MAST1: variants seen among roughly 807,000 people sequenced by gnomAD.
MAST1 encodes the protein microtubule associated serine/threonine kinase 1, also known as microtubule-associated serine/threonine-protein kinase 1.
In MAST1, 40 loss-of-function variants were observed where a neutral mutation model predicts 124.6. That is an observed-to-expected ratio of 0.32 (90% CI 0.25 to 0.42). The LOEUF (loss-of-function observed/expected upper bound fraction) is 0.42. Ranked by LOEUF, MAST1 falls within the 10% of genes least tolerant of loss-of-function variation. MAST1 has a pLI of 1.00. For missense variants in MAST1, 1,558 were observed against 2,181.9 expected (o/e 0.71, Z 5.70); for synonymous variants, 938 against 939.4 (o/e 1.00, Z 0.03).
Position 12,843,498 on chromosome 19 carries a change from G to T in MAST1, c.249-31G>T. The T allele has an allele frequency of 6.2e-7, 1 of 1,600,504 alleles. No individual in the cohort carries two copies. Among genetic ancestry groups the T allele is most frequent in the Non-Finnish European group, 8.5e-7 (1 of 1,169,778 alleles). ...GGAGTTGGGGGACCGCTGGGGCCTT[G>T]TGGCCTCTGAGCACCTTGGCTGGGT... is the stretch of plus-strand genomic sequence containing the variant. On this transcript the variant is annotated intron_variant, in intron 3 of 25. Transcript: ENST00000251472. The surrounding 1 kb of genome is among the most constrained non-coding windows in gnomAD (Gnocchi z 4.9).
At chr19:12,854,123 C>CA (rs1969993991) in intron 10 of MAST1, among the ~76,000 whole-genome samples, 1 of 126,682 alleles carries the variant, frequency 7.9e-6, no homozygotes, top group Non-Finnish European at 1.6e-5. Flanking sequence ...CTGGATATTT[C>CA]TTTTTTTTTT....
intron 9 of MAST1, 33 bp downstream of exon 9, chr19:12,852,280 T>C: frequency 1.9e-6 from 3 of 1,613,660 alleles, no homozygotes; most frequent in Admixed American, 1.7e-5. Context: ...GGACTGGGGG[T>C]GAGCAGGCCC....
chr19:12,858,369 G>C lies in MAST1; in HGVS notation c.1085G>C (p.Ser362Thr), dbSNP rs150597445. ...PEQDDLSEGR[S>T]SKAKKPPGEN... Reference sequence around the variant, plus strand: ...TCCATCTTTTTCCTGAAGGGCCGCAGCAGCAAGGCCAAGAAACCGCCGGGG... The same window carrying C: ...TCCATCTTTTTCCTGAAGGGCCGCACCAGCAAGGCCAAGAAACCGCCGGGG... The change falls in exon 11 of 26, where the codon AGC (serine) becomes ACC (threonine). Residue 362 changes from serine (S) to threonine (T), a missense_variant. Ser to Thr is a moderately conservative substitution (Grantham distance 58). Around this residue, in one of 10 missense-constraint regions of MAST1, gnomAD observed 136 missense variants for 160.9 expected, o/e 0.85. Transcript: ENST00000251472. 3 of 1,613,068 alleles carry C rather than the reference G, an allele frequency of 1.9e-6. No individual in the cohort carries two copies. The African/African-American group carries it at 4.0e-5, about 22-fold the overall frequency.
chr19:12,867,645 C>G lies in MAST1; in HGVS notation c.2311C>G (p.Pro771Ala), dbSNP rs375872899. Reference sequence around the variant, plus strand: ...TGAGAAGACCTGGAGAGGGGGCTCTCCGGAGATGTGAGCAGGGGAATGGCG... The same window carrying G: ...TGAGAAGACCTGGAGAGGGGGCTCTGCGGAGATGTGAGCAGGGGAATGGCG... Reference protein sequence around the residue: ...LREKTWRGGSPEIKRFSASEA... With the variant: ...LREKTWRGGSAEIKRFSASEA... Residue 771 changes from proline to alanine, a missense_variant, in exon 19 of 26, where the codon CCG becomes GCG. Transcript: ENST00000251472. 1.3e-6 allele frequency: 2 copies of G among 1,595,640 alleles called. No individual in the cohort carries two copies. The highest frequency in any genetic ancestry group is 1.7e-6 in the Non-Finnish European group (2 of 1,171,512).
At chr19:12,844,904 A>G (rs1969873625) in intron 4 of MAST1, among the ~76,000 whole-genome samples, 1 of 152,154 alleles carries the variant, frequency 6.6e-6, no homozygotes, top group Admixed American at 6.6e-5. Context: ...ACCATTTGAA[A>G]TTGTGATTAT....
intron 10 of MAST1, among the ~76,000 whole-genome samples, chr19:12,854,999 G>A (rs185872588): frequency 3.3e-5 from 5 of 152,222 alleles, no homozygotes; most frequent in Non-Finnish European, 4.4e-5. Context: ...GAGAGACTGC[G>A]GCGGGTGGAT....
In MAST1 at chr19:12,847,690, G is replaced by A. The variant is rs1403478050; in HGVS notation, c.564+3G>A. On this transcript the variant is annotated splice_donor_region_variant and intron_variant, in intron 6 of 25. Transcript: ENST00000251472. The surrounding 1 kb of genome is among the most constrained non-coding windows in gnomAD (Gnocchi z 5.5). ...TCTACAAGGAGAGGTTCCCGAAGGT[G>A]AGGTGGGACCCGAGGCGGTCACGGG... The A allele has an allele frequency of 1.2e-6, 2 of 1,613,698 alleles. No individual in the cohort carries two copies. Among genetic ancestry groups the A allele is most frequent in the East Asian group, 4.5e-5 (2 of 44,872 alleles).
intron 1 of MAST1, 104 bp from the exon 2 acceptor site, chr19:12,840,338 CATGG>C: frequency 1.4e-6 from 1 of 734,634 alleles, no homozygotes; most frequent in Non-Finnish European, 2.4e-6. Flanking sequence ...TCCAAACACA[CATGG>C]ATGGGAGATA....
At chr19:12,860,074 C>T (rs1023266196) in intron 12 of MAST1, among the ~76,000 whole-genome samples, 16 of 152,026 alleles carry the variant, frequency 1.1e-4, no homozygotes, top group African/African-American at 3.9e-4. Flanking sequence ...GGTTGTCCAT[C>T]TGTTTATCCA....
rs748752814 is a variant in MAST1, at chr19:12,874,001, C to G, written c.3844C>G (p.Leu1282Val). 1.1e-5 allele frequency: 18 copies of G among 1,604,940 alleles called. No individual in the cohort carries two copies. In the South Asian group the frequency reaches 1.9e-4, roughly 17 times the overall value. ...TTTGAGTGCGGACAAGAAGGGCGCG[C>G]TGCGCAAACACAGCCTCGAGGTGGG... Reference protein sequence around the residue: ...ASLSADKKGALRKHSLEVGHP... With the variant: ...ASLSADKKGAVRKHSLEVGHP... Residue 1282 changes from leucine (L) to valine (V), a missense_variant, in exon 26 of 26, where the codon CTG (leucine) becomes GTG (valine). Coordinates refer to ENST00000251472, the MANE Select transcript of MAST1 (RefSeq NM_014975.3). This position sits in a 1 kb window ranked among gnomAD's most constrained non-coding sequence, Gnocchi z 6.6.
chr19:12,857,748 C>G (rs1388733292), intron 10 of MAST1, among the ~76,000 whole-genome samples: 2 of 152,196 alleles, frequency 1.3e-5, no homozygotes, highest in Admixed American at 1.3e-4. Flanking sequence ...GTAACTCTGG[C>G]TGGGTACAGT....
At chr19:12,855,594 C>T (rs750592882) in intron 10 of MAST1, among the ~76,000 whole-genome samples, 32 of 152,238 alleles carry the variant, frequency 2.1e-4, no homozygotes, top group East Asian at 5.8e-4. Flanking sequence ...CCCCTGAAGA[C>T]GCTTAAGTTT....
intron 20 of MAST1, among the ~76,000 whole-genome samples, 170 bp downstream of exon 20, chr19:12,868,147 C>G (rs1470209671): frequency 8.9e-6 from 1 of 112,096 alleles, no homozygotes; most frequent in Non-Finnish European, 1.7e-5. Flanking sequence ...CTCACTCCAT[C>G]ACCCAGGATG....
intron 4 of MAST1, among the ~76,000 whole-genome samples, chr19:12,844,696 T>C (rs1969871166): frequency 6.6e-6 from 1 of 152,062 alleles, no homozygotes; most frequent in African/African-American, 2.4e-5. Flanking sequence ...CTTGCAGCAT[T>C]TGAAAAGTTG....
chr19:12,867,757 T>C lies in MAST1; in HGVS notation c.2346T>C (p.Ser782=), dbSNP rs1247973883. 1.3e-6 allele frequency: 2 copies of C among 1,540,112 alleles called. No homozygotes were observed. The highest frequency in any genetic ancestry group is 2.2e-5 in the Admixed American group (1 of 46,486). Residue 782 remains serine (S), a synonymous_variant, in exon 20 of 26, where the codon AGT becomes AGC. Coordinates refer to ENST00000251472, the MANE Select transcript of MAST1 (RefSeq NM_014975.3). ...AGCGATTCTCCGCGTCCGAGGCCAG[T>C]TTCCTGGAGGGAGAGGCCAGTCCCC... The part of the protein sequence containing the change: ...EIKRFSASEA[S]FLEGEASPPL...
At position 12,865,181 on chromosome 19, in the gene MAST1, G is replaced by A. The variant is rs1351573991; in HGVS notation, c.1638+3G>A. 1.9e-6 allele frequency: 3 copies of A among 1,613,578 alleles called. No individual in the cohort carries two copies. Among genetic ancestry groups the A allele is most frequent in the South Asian group, 2.2e-5 (2 of 91,046 alleles). The stretch of plus-strand genomic sequence containing the variant: ...CCCGAGAGTTCCTGGACAAACAGGT[G>A]TGTGTGCGGGCATGGGGGTCGCTGA... On this transcript the variant is annotated splice_donor_region_variant and intron_variant, in intron 14 of 25. Transcript: ENST00000251472. This position sits in a 1 kb window ranked among gnomAD's most constrained non-coding sequence, Gnocchi z 7.1.
intron 1 of MAST1, among the ~76,000 whole-genome samples, chr19:12,839,484 A>G (rs894048267): frequency 4.6e-5 from 7 of 152,234 alleles, no homozygotes; most frequent in African/African-American, 1.4e-4. Flanking sequence ...CTCACATACT[A>G]TGTCACACTG....
rs750332628 is a variant in MAST1 at position 12,838,685 on chromosome 19, C to T, written c.83+30C>T. On this transcript the variant is annotated intron_variant, in intron 1 of 25. Coordinates refer to ENST00000251472, the MANE Select transcript of MAST1 (RefSeq NM_014975.3). The surrounding 1 kb of genome is among the most constrained non-coding windows in gnomAD (Gnocchi z 4.3). ...ACCCCCGATCCCCTAGACATTGTCCCGGCCCTCCCCGCAAAAGCCGCCGCT... is the reference window on the plus strand; with the variant it reads ...ACCCCCGATCCCCTAGACATTGTCCTGGCCCTCCCCGCAAAAGCCGCCGCT... 6.3e-7 allele frequency: 1 copy of T among 1,596,016 alleles called. No individual in the cohort carries two copies. The highest frequency in any genetic ancestry group is 1.7e-5 in the Admixed American group (1 of 59,472).
At chr19:12,848,131 A>C in intron 7 of MAST1, 74 bp downstream of exon 7, 1 of 1,335,586 alleles carries the variant, frequency 7.5e-7, no homozygotes, top group East Asian at 2.5e-5. Context: ...CCCTTTCTTC[A>C]CCCCACATAC....
Sources: allele counts gnomAD v4.1 joint callset (sites outside exome capture counted in the v4.1 genomes callset), GRCh38; gene constraint gnomAD v4.1.1; regional missense constraint gnomAD v4.1.1; non-coding constraint Gnocchi (gnomAD v3.1); transcripts MANE v1.5; gene names NCBI Gene and HGNC (gene_info 2026-07-23, HGNC 2026-07-21).